Variants in MAP3K9 observed in about 807,000 individuals in gnomAD.
MAP3K9 encodes the protein mixed lineage kinase 1 (tyr and ser/thr specificity).
Under a neutral mutation model 95.8 loss-of-function variants are expected in MAP3K9, and 46 were observed. That is an observed-to-expected ratio of 0.48 (90% CI 0.38 to 0.61). The LOEUF is 0.61. Among genes scored for constraint, MAP3K9 ranks in the 20% least tolerant of loss-of-function variants. The pLI, the probability that MAP3K9 is intolerant of heterozygous loss-of-function variation, is 0.00. For missense variants in MAP3K9, 1,296 were observed against 1,474.3 expected, an observed-to-expected ratio of 0.88 and a Z score of 1.98; for synonymous variants, 533 against 593.8, an observed-to-expected ratio of 0.90 and a Z score of 1.49.
rs564798611 is a variant in MAP3K9, at chr14:70,789,944, C to A, written c.820+10723G>T. On this transcript the variant is annotated intron_variant, in intron 2 of 11. Transcript: ENST00000554752. ...TGACCTTGAGCCCCACCTGGAAAAG[C>A]CCTATGTTGTTTCAAAAAAGTGAGC... Among the ~76,000 whole-genome samples the A allele has an allele frequency of 9.2e-5, 14 of 152,280 alleles. No homozygotes were observed. In the East Asian group the frequency reaches 2.7e-3, roughly 29 times the overall value.
intron 2 of MAP3K9, among the ~76,000 whole-genome samples, chr14:70,792,961 C>A (rs909471201): frequency 3.3e-5 from 5 of 152,210 alleles, no homozygotes; most frequent in Admixed American, 6.5e-5. Flanking sequence ...GAGACGAGGA[C>A]AAGGTGCAAG....
chr14:70,765,928 T>G (rs2054448771), intron 2 of MAP3K9, among the ~76,000 whole-genome samples: 1 of 152,042 alleles, frequency 6.6e-6, no homozygotes, highest in Admixed American at 6.6e-5. Context: ...AAGTGATGTG[T>G]GACTGTACCG....
intron 2 of MAP3K9, among the ~76,000 whole-genome samples, 155 bp from the exon 3 acceptor site, chr14:70,761,337 C>T (rs566810105): frequency 1.1e-4 from 16 of 152,330 alleles, no homozygotes; most frequent in Middle Eastern, 3.4e-3. Context: ...TTCTTAAACA[C>T]CTACAGTGCA....
intron 4 of MAP3K9, 121 bp downstream of exon 4, chr14:70,749,812 T>C: frequency 8.2e-7 from 1 of 1,223,856 alleles, no homozygotes; most frequent in Admixed American, 2.0e-5. Context: ...GGATTCCTCC[T>C]TAGGTGACTG....
chr14:70,742,711 C>G (rs893632754), intron 5 of MAP3K9, 120 bp from the exon 6 acceptor site: 4 of 1,169,168 alleles, frequency 3.4e-6, no homozygotes, highest in Non-Finnish European at 3.6e-6. Flanking sequence ...TCCTATGATG[C>G]TCAGTGAAGA....
At position 70,728,965 on chromosome 14, in the gene MAP3K9, AG is replaced by A. The variant is rs2053857241; in HGVS notation, c.*1414del. On this transcript the variant is annotated 3_prime_UTR_variant, in exon 12 of 12. Coordinates refer to ENST00000554752, the MANE Select transcript of MAP3K9 (RefSeq NM_001284230.2). The stretch of plus-strand genomic sequence containing the variant: ...TCACACATAACACAGGAGGCCTCAG[AG>A]TAGTGGCATGGAGAAGACATACACG... The A allele has an allele frequency of 6.6e-6, 1 of 152,238 alleles. No individual in the cohort carries two copies. The highest frequency in any genetic ancestry group is 2.1e-4 in the South Asian group (1 of 4,828). 9.4% of individuals were successfully genotyped at this position (152,238 alleles called of 1,614,324 possible). A position where few individuals can be genotyped will look rare whatever the true frequency, so the allele number is the denominator to read the frequency against.
chr14:70,759,913 C>A (rs1176219616), intron 3 of MAP3K9, among the ~76,000 whole-genome samples: 1 of 152,056 alleles, frequency 6.6e-6, no homozygotes, highest in African/African-American at 2.4e-5. Context: ...TGCCACCACA[C>A]CTGGATACTT....
intron 2 of MAP3K9, among the ~76,000 whole-genome samples, chr14:70,768,341 T>C (rs2054485791): frequency 6.6e-6 from 1 of 152,096 alleles, no homozygotes; most frequent in South Asian, 2.1e-4. Flanking sequence ...TATATCACTA[T>C]TGTAAATGGG....
chr14:70,776,130 A>G (rs1284764933), intron 2 of MAP3K9, among the ~76,000 whole-genome samples: 2 of 152,218 alleles, frequency 1.3e-5, no homozygotes, highest in Admixed American at 6.5e-5. Context: ...TGGAGGTTGC[A>G]GTGAGCCAAG....
At chr14:70,734,010 T>C (rs1422925472) in intron 10 of MAP3K9, among the ~76,000 whole-genome samples, 2 of 152,206 alleles carry the variant, frequency 1.3e-5, no homozygotes, top group Non-Finnish European at 2.9e-5. Flanking sequence ...TTCCCTGGTG[T>C]TAAGGCTTTC....
At chr14:70,763,833 G>A (rs1283045384) in intron 2 of MAP3K9, among the ~76,000 whole-genome samples, 5 of 151,980 alleles carry the variant, frequency 3.3e-5, no homozygotes, top group Non-Finnish European at 7.4e-5. Context: ...TGCCTGGCCA[G>A]CATACTATAC....
At position 70,727,681 on chromosome 14, in the gene MAP3K9, G is replaced by GT. The variant is rs1160583107; in HGVS notation, c.*2698dup. On this transcript the variant is annotated 3_prime_UTR_variant, in exon 12 of 12. Coordinates refer to ENST00000554752, the MANE Select transcript of MAP3K9 (RefSeq NM_001284230.2). The stretch of plus-strand genomic sequence containing the variant: ...CAGTCAGGGGCCCATCAGAGACCAG[G>GT]TGTGTAGGAGCTGAGAGATGGTAAC... 6.6e-6 allele frequency: 1 copy of GT among 152,354 alleles called. No homozygotes were observed. Among genetic ancestry groups the GT allele is most frequent in the Non-Finnish European group, 1.5e-5 (1 of 68,160 alleles). 9.4% of individuals were successfully genotyped at this position (152,354 alleles called of 1,614,324 possible). A position where few individuals can be genotyped will look rare whatever the true frequency, so the allele number is the denominator to read the frequency against.
At chr14:70,741,131 C>T (rs1034036625) in intron 6 of MAP3K9, among the ~76,000 whole-genome samples, 3 of 152,044 alleles carry the variant, frequency 2.0e-5, no homozygotes, top group Non-Finnish European at 1.5e-5. Flanking sequence ...ACTCTTGTTG[C>T]CTAGGCTGGA....
chr14:70,730,113 G>C lies in MAP3K9; in HGVS notation c.*267C>G, dbSNP rs938448415. On this transcript the variant is annotated 3_prime_UTR_variant, in exon 12 of 12. Transcript: ENST00000554752. ...TCTAAAGGCAAGGAAGACTGTGGAG[G>C]GTGGGGGACATGCATGCACCCCTTC... 8.5e-6 allele frequency: 4 copies of C among 471,586 alleles called. No homozygotes were observed. The highest frequency in any genetic ancestry group is 1.5e-5 in the Non-Finnish European group (4 of 261,616). 29.2% of individuals were successfully genotyped at this position (471,586 alleles called of 1,614,324 possible).
In MAP3K9 at chr14:70,774,585, C is replaced by A. The variant is rs1488062560; in HGVS notation, c.821-13403G>T. ...AGCTGAGGCAGGAGAATCGCTTGAA[C>A]CTGAGAGGCAGAGGTTGCCTCTGCA... On this transcript the variant is annotated intron_variant, in intron 2 of 11. Transcript: ENST00000554752. Among the ~76,000 whole-genome samples, 4 of 152,054 alleles carry A rather than the reference C, an allele frequency of 2.6e-5. No homozygotes were observed. In the East Asian group the frequency reaches 7.7e-4, roughly 29 times the overall value.
At chr14:70,777,772 CG>C (rs1566756980) in intron 2 of MAP3K9, among the ~76,000 whole-genome samples, 1 of 152,136 alleles carries the variant, frequency 6.6e-6, no homozygotes, top group East Asian at 1.9e-4. Context: ...TAGTTCTCTG[CG>C]AAGAGACACC....
intron 2 of MAP3K9, among the ~76,000 whole-genome samples, chr14:70,787,635 A>G (rs189556022): frequency 6.6e-6 from 1 of 152,180 alleles, no homozygotes; most frequent in African/African-American, 2.4e-5. Context: ...GGCAATTCCA[A>G]AGACACACAT....
At chr14:70,791,563 T>C (rs571920124) in intron 2 of MAP3K9, among the ~76,000 whole-genome samples, 17 of 152,328 alleles carry the variant, frequency 1.1e-4, no homozygotes, top group African/African-American at 4.1e-4. Flanking sequence ...AGCACGCAAT[T>C]TGCCTCCCAG....
rs140002370 is a variant in MAP3K9, at chr14:70,808,803, G to C, written c.369C>G (p.Pro123=). ...GGTAGCAACTGGGGTCCTCGCCGCC[G>C]GGCTGGCAGCGGCTGGAGAAGGCGC... ...PRSAFSSRCQ[P]GGEDPSCYPP... is the part of the protein sequence containing the mutation. Residue 123 remains proline, a synonymous_variant, in exon 1 of 12, where the codon CCC becomes CCG. Coordinates refer to ENST00000554752, the MANE Select transcript of MAP3K9 (RefSeq NM_001284230.2). 5.0e-5 allele frequency: 79 copies of C among 1,572,200 alleles called. No homozygotes were observed. The African/African-American group carries it at 5.9e-4, about 12-fold the overall frequency.
Sources: allele counts gnomAD v4.1 joint callset (sites outside exome capture counted in the v4.1 genomes callset), GRCh38; gene constraint gnomAD v4.1.1; transcripts MANE v1.5; gene names NCBI Gene and HGNC (gene_info 2026-07-23, HGNC 2026-07-21).